Variants in WNK2 observed in about 807,000 individuals in gnomAD.
The protein encoded by WNK2 is WNK lysine deficient protein kinase 2.
Under a neutral mutation model 192.1 loss-of-function variants are expected in WNK2, and 67 were observed. That is an observed-to-expected ratio of 0.35 (90% CI 0.29 to 0.43). The LOEUF is 0.43. WNK2 is among the 20% of genes least tolerant of loss of function. The pLI is 1.00. For missense variants in WNK2, 2,698 were observed against 3,089.7 expected (o/e 0.87, Z 3.01); for synonymous variants, 1,439 against 1,393.9 (o/e 1.03, Z -0.72).
Position 93,282,378 on chromosome 9 carries a change from G to A in WNK2, c.4034-6410G>A, listed in dbSNP as rs1847870239. ...CAACACTGAACATGGAGAACACATA[G>A]AAATCTTTAGTAAGATGCTAGTTTT... On this transcript the variant is annotated intron_variant, in intron 19 of 29. Coordinates refer to ENST00000427277, the MANE Select transcript of WNK2 (RefSeq NM_006648.4). 2.0e-5 allele frequency among the ~76,000 whole-genome samples: 3 copies of A among 151,258 alleles called. No homozygotes were observed. The South Asian group carries it at 6.2e-4, about 31-fold the overall frequency.
At chr9:93,237,135 G>A (rs1839949501) in intron 5 of WNK2, among the ~76,000 whole-genome samples, 1 of 152,188 alleles carries the variant, frequency 6.6e-6, no homozygotes, top group African/African-American at 2.4e-5. Context: ...AGATTTGGAA[G>A]GGAATTGCAG....
intron 1 of WNK2, among the ~76,000 whole-genome samples, chr9:93,184,661 C>G (rs1828938222): frequency 6.6e-6 from 1 of 152,014 alleles, no homozygotes; most frequent in Non-Finnish European, 1.5e-5. Context: ...AGCAGGTCCT[C>G]TCTCCCAGGG....
intron 28 of WNK2, among the ~76,000 whole-genome samples, chr9:93,314,436 G>A (rs889625186): frequency 7.2e-6 from 1 of 139,174 alleles, no homozygotes; most frequent in African/African-American, 2.7e-5. Flanking sequence ...GACAGAGCAA[G>A]ACCCTGTCTG....
chr9:93,236,456 G>A (rs1839831276), intron 5 of WNK2, among the ~76,000 whole-genome samples: 1 of 152,262 alleles, frequency 6.6e-6, no homozygotes, highest in South Asian at 2.1e-4. Context: ...GTCAGGTGAA[G>A]CTTTTGAAGG....
At chr9:93,217,294 G>A (rs1008604386) in intron 2 of WNK2, among the ~76,000 whole-genome samples, 41 of 152,288 alleles carry the variant, frequency 2.7e-4, no homozygotes, top group Admixed American at 2.3e-3. Flanking sequence ...CCGCTGCCAC[G>A]TACTGTGCAC....
chr9:93,269,751 G>A (rs776296997), intron 19 of WNK2, among the ~76,000 whole-genome samples: 24 of 152,182 alleles, frequency 1.6e-4, no homozygotes, highest in Admixed American at 3.3e-4. Flanking sequence ...GGGACAGTAC[G>A]GTTAATAGAA....
At chr9:93,242,460 G>A (rs1238356500) in intron 7 of WNK2, among the ~76,000 whole-genome samples, 1 of 152,234 alleles carries the variant, frequency 6.6e-6, no homozygotes, top group Admixed American at 6.5e-5. Context: ...CTACAAGTTT[G>A]CTGTGAATTA....
rs149822138 is a variant in WNK2, at chr9:93,273,809, C to T, written c.4033+5063C>T. On this transcript the variant is annotated intron_variant, in intron 19 of 29. Transcript: ENST00000427277. ...TTGAAATTATGTCAAGTATGTTCTC[C>T]GATACAGTGTAATATAAAATTAAAT... Among the ~76,000 whole-genome samples the T allele has an allele frequency of 1.6e-4, 25 of 152,102 alleles. 1 individual carries two copies. The East Asian group carries it at 3.9e-3, about 23-fold the overall frequency.
rs1417453813 is a variant in WNK2, at chr9:93,258,952, C to G, written c.2404C>G (p.Pro802Ala). The change falls in exon 12 of 30, where the codon CCC (proline) becomes GCC (alanine). Residue 802 changes from proline (P) to alanine (A), a missense_variant. By Grantham distance (27) the Pro-to-Ala change is conservative. Transcript: ENST00000427277. ...TCAGATGCCCCCGATTCCTGTTGTG[C>G]CCCCCATCACGCCCCTGGCGGGAAT... ...PPQMPPIPVV[P>A]PITPLAGIDG... 1.2e-6 allele frequency: 2 copies of G among 1,612,174 alleles called. No homozygotes were observed. The highest frequency in any genetic ancestry group is 1.7e-6 in the Non-Finnish European group (2 of 1,179,388).
At chr9:93,235,150 C>T (rs985237477) in intron 5 of WNK2, among the ~76,000 whole-genome samples, 185 bp downstream of exon 5, 7 of 152,122 alleles carry the variant, frequency 4.6e-5, no homozygotes, top group African/African-American at 1.2e-4. Context: ...GGCTTAGTAG[C>T]GGGGTGGTTA....
intron 19 of WNK2, among the ~76,000 whole-genome samples, chr9:93,287,811 A>C (rs1848674069): frequency 6.6e-6 from 1 of 152,182 alleles, no homozygotes; most frequent in Non-Finnish European, 1.5e-5. Context: ...CTGTCATCCC[A>C]ACACTTTGGG....
chr9:93,189,005 T>A (rs982141982), intron 2 of WNK2, among the ~76,000 whole-genome samples: 2 of 152,180 alleles, frequency 1.3e-5, no homozygotes, highest in Non-Finnish European at 2.9e-5. Context: ...CACTGTTCCA[T>A]GTGGCTCAGG....
At position 93,185,334 on chromosome 9, in the gene WNK2, C is replaced by A. The variant is rs747270057; in HGVS notation, c.405C>A (p.Thr135=). 116 of 1,533,324 alleles carry A rather than the reference C, an allele frequency of 7.6e-5. No individual in the cohort carries two copies. In the South Asian group the frequency reaches 1.4e-3, roughly 18 times the overall value. 95.0% of individuals were successfully genotyped at this position (1,533,324 alleles called of 1,614,324 possible). Residue 135 remains threonine, a synonymous_variant, in exon 2 of 30, where the codon ACC becomes ACA. Transcript: ENST00000427277. The part of the protein sequence containing the change: ...GPDPIAAAVE[T]APAPDGGPRE... ...ACCCCATCGCAGCCGCTGTCGAAAC[C>A]GCGCCTGCCCCCGACGGCGGCCCCA...
At chr9:93,222,931 G>A (rs931540141) in intron 2 of WNK2, among the ~76,000 whole-genome samples, 1 of 152,272 alleles carries the variant, frequency 6.6e-6, no homozygotes, top group Non-Finnish European at 1.5e-5. Flanking sequence ...ATCTGCCCGC[G>A]TCGGCCTTCC....
At chr9:93,253,657 G>A (rs1842897074) in intron 9 of WNK2, among the ~76,000 whole-genome samples, 1 of 152,118 alleles carries the variant, frequency 6.6e-6, no homozygotes, top group African/African-American at 2.4e-5. Context: ...AAATAGGGCG[G>A]GGATGAGGGG....
At chr9:93,228,304 C>G (rs1420201941) in intron 2 of WNK2, among the ~76,000 whole-genome samples, 1 of 152,160 alleles carries the variant, frequency 6.6e-6, no homozygotes, top group African/African-American at 2.4e-5. Flanking sequence ...TGTCACGATC[C>G]TGCCGCCTGC....
At chr9:93,233,187 G>T (rs1588075799) in intron 4 of WNK2, among the ~76,000 whole-genome samples, 1 of 111,566 alleles carries the variant, frequency 9.0e-6, no homozygotes, top group Admixed American at 9.8e-5. Context: ...GACAGGGCAC[G>T]ATCCAGTCTC....
intron 28 of WNK2, chr9:93,315,557 G>C (rs1025695584): frequency 1.3e-5 from 2 of 152,202 alleles, no homozygotes; most frequent in African/African-American, 2.4e-5. Flanking sequence ...TTCCACCCAA[G>C]CTTCACCATA....
chr9:93,266,203 C>T (rs1261858329), intron 16 of WNK2, among the ~76,000 whole-genome samples: 1 of 152,146 alleles, frequency 6.6e-6, no homozygotes, highest in Non-Finnish European at 1.5e-5. Flanking sequence ...CTTCTGCCCG[C>T]CCTGTGGACT....
Sources: gnomAD v4.1 joint callset for allele counts (sites outside exome capture counted in the v4.1 genomes callset) on GRCh38, gnomAD v4.1.1 for gene constraint, MANE v1.5 for transcripts, NCBI Gene and HGNC (gene_info 2026-07-23, HGNC 2026-07-21) for gene names.